PER1: variants seen among roughly 807,000 people sequenced by gnomAD.
PER1 encodes period circadian regulator 1.
A neutral mutation model predicts 125.9 loss-of-function variants in PER1; 87 were observed. That is an observed-to-expected ratio of 0.69 (90% CI 0.58 to 0.83). The LOEUF (loss-of-function observed/expected upper bound fraction) is 0.83, where lower values mean the gene tolerates loss of function less well. PER1 is among the 40% of genes least tolerant of loss of function. PER1 has a pLI of 0.00. For synonymous variants in PER1, 801 were observed against 714.7 expected (o/e 1.12, Z -1.93); for missense variants, 1,775 against 1,722.8 (o/e 1.03, Z -0.54).
Position 8,143,850 on chromosome 17 carries a change from T to C in PER1, c.2488A>G (p.Ser830Gly). Residue 830 changes from serine to glycine, a missense_variant, in exon 19 of 23, where the codon AGC becomes GGC. Coordinates refer to ENST00000317276, the MANE Select transcript of PER1 (RefSeq NM_002616.3). ...TTGGATCGGCAGTGGTGTCGGCGGC[T>C]TGGGGGTGCGGGGCCGTGGTGGCAG... The part of the protein sequence containing the change: ...RGCHHGPAPP[S>G]RRHHCRSKAK... 6.2e-7 allele frequency: 1 copy of C among 1,610,864 alleles called. No homozygotes were observed. Among genetic ancestry groups the C allele is most frequent in the Non-Finnish European group, 8.5e-7 (1 of 1,178,798 alleles).
intron 7 of PER1, 173 bp from the exon 8 acceptor site, chr17:8,148,959 C>T (rs1982639559): frequency 2.8e-6 from 2 of 720,968 alleles, no homozygotes; most frequent in Non-Finnish European, 4.5e-6. Flanking sequence ...GAGGCCAAGG[C>T]AGGCGGATCA....
rs780728434 is a variant in PER1, at chr17:8,148,728, C to T, written c.964G>A (p.Val322Met). The T allele has an allele frequency of 6.2e-7, 1 of 1,614,022 alleles. No homozygotes were observed. Among genetic ancestry groups the T allele is most frequent in the South Asian group, 1.1e-5 (1 of 91,072 alleles). The change falls in exon 8 of 23, where the codon GTG becomes ATG. Residue 322 changes from valine (V) to methionine (M), a missense_variant. Physicochemically the swap from Val to Met is conservative, Grantham distance 21 (BLOSUM62 1). Coordinates refer to ENST00000317276, the MANE Select transcript of PER1 (RefSeq NM_002616.3). ...RYQPFRLTPYVTKIRVSDGAP... is the reference protein window; with the variant it reads ...RYQPFRLTPYMTKIRVSDGAP... ...CCATCTGAGACCCGGATCTTGGTCACATACGGGGTTAGGCGGAATGGCTGG... is the reference window on the plus strand; with the variant it reads ...CCATCTGAGACCCGGATCTTGGTCATATACGGGGTTAGGCGGAATGGCTGG...
chr17:8,141,796 TTC>T lies in PER1; in HGVS notation c.3600+7_3600+8del, dbSNP rs1489455775. 6.8e-7 allele frequency: 1 copy of T among 1,476,732 alleles called. No homozygotes were observed. The highest frequency in any genetic ancestry group is 1.2e-5 in the South Asian group (1 of 84,070). 91.5% of individuals were successfully genotyped at this position (1,476,732 alleles called of 1,614,324 possible). ...ATTCTTTTTTCTCCCCGTCCCAGGC[TTC>T]TCTCACCATCACATCAAGAGCCCGA... On this transcript the variant is annotated splice_region_variant and intron_variant, in intron 22 of 22. Transcript: ENST00000317276.
intron 10 of PER1, 24 bp from the exon 11 acceptor site, chr17:8,147,851 G>A (rs1209608704): frequency 3.1e-6 from 5 of 1,612,912 alleles, no homozygotes; most frequent in Non-Finnish European, 4.2e-6. Flanking sequence ...GAAAGGAGGA[G>A]CGGTCAAAGG....
chr17:8,142,656 G>A lies in PER1; in HGVS notation c.3252C>T (p.Ser1084=). The A allele has an allele frequency of 6.2e-7, 1 of 1,613,890 alleles. No individual in the cohort carries two copies. The change falls in exon 20 of 23, where the codon AGC becomes AGT. Residue 1084 remains serine, a synonymous_variant. Coordinates refer to ENST00000317276, the MANE Select transcript of PER1 (RefSeq NM_002616.3). ...GSHEGGSTSA[S]ITRSSQSSHT... is the part of the protein sequence containing the mutation. ...TGGAGGCGGGGTACTCACGAGTGAT[G>A]CTGGCTGAGGTGCTGCCCCCTTCAT... is the stretch of plus-strand genomic sequence containing the variant.
At position 8,143,674 on chromosome 17, in the gene PER1, C is replaced by T. The variant is rs892663558; in HGVS notation, c.2664G>A (p.Val888=). 3 of 1,471,544 alleles carry T rather than the reference C, an allele frequency of 2.0e-6. No individual in the cohort carries two copies. The highest frequency in any genetic ancestry group is 2.9e-5 in the African/African-American group (2 of 69,022). The allele number at this position is 1,471,544 out of a possible 1,614,324, so 91.2% of individuals were successfully genotyped here. The change falls in exon 19 of 23, where the codon GTG becomes GTA. Residue 888 remains valine (V), a synonymous_variant. Coordinates refer to ENST00000317276, the MANE Select transcript of PER1 (RefSeq NM_002616.3). ...GCTGGGGGCCTCCTCGAGGAGAGAA[C>T]ACTGGGAGAGGGTAGGGCTGGACAA... ...PAVVQPYPLP[V]FSPRGGPQPL... is the part of the protein sequence containing the mutation.
At chr17:8,142,179 C>G in intron 21 of PER1, 90 bp downstream of exon 21, 6 of 1,171,336 alleles carry the variant, frequency 5.1e-6, no homozygotes, top group Non-Finnish European at 7.2e-6. Context: ...AACGTTTATC[C>G]TATCCAGGGC....
In PER1 at chr17:8,140,784, T is replaced by C; in HGVS notation, c.*284A>G. Reference sequence around the variant, plus strand: ...CTCAGCTGGAATATGGAGAGGCCACTTCAGCAGCTTGTCAGCAACTTTGTC... The same window carrying C: ...CTCAGCTGGAATATGGAGAGGCCACCTCAGCAGCTTGTCAGCAACTTTGTC... On this transcript the variant is annotated 3_prime_UTR_variant, in exon 23 of 23. Transcript: ENST00000317276. The C allele has an allele frequency of 2.4e-6, 1 of 409,970 alleles. No homozygotes were observed. The highest frequency in any genetic ancestry group is 4.5e-5 in the South Asian group (1 of 22,204). 25.4% of individuals were successfully genotyped at this position (409,970 alleles called of 1,614,324 possible).
Position 8,149,810 on chromosome 17 carries a change from G to A in PER1, c.596C>T (p.Thr199Ile). Residue 199 changes from threonine to isoleucine, a missense_variant, in exon 5 of 23, where the codon ACC becomes ATC. Coordinates refer to ENST00000317276, the MANE Select transcript of PER1 (RefSeq NM_002616.3). ...EGEPCSMDMS[T>I]YTLEELEHIT... The stretch of plus-strand genomic sequence containing the variant: ...GTGCTCCAGCTCCTCCAGGGTATAG[G>A]TGGACATGTCCATGGAGCAAGGCTC... 2 of 1,613,862 alleles carry A rather than the reference G, an allele frequency of 1.2e-6. No individual in the cohort carries two copies. The highest frequency in any genetic ancestry group is 1.7e-6 in the Non-Finnish European group (2 of 1,180,020).
rs909099769 is a variant in PER1 at position 8,140,818 on chromosome 17, G to T, written c.*250C>A. The T allele has an allele frequency of 2.1e-5, 10 of 470,070 alleles. No homozygotes were observed. The Admixed American group carries it at 3.3e-4, about 16-fold the overall frequency. The allele number at this position is 470,070 out of a possible 1,614,324, so 29.1% of individuals were successfully genotyped here. ...TTGTCAGCAACTTTGTCCAGGGGAG[G>T]GAAGGATTCCTCTCCAAAGGTGGGA... On this transcript the variant is annotated 3_prime_UTR_variant, in exon 23 of 23. Transcript: ENST00000317276.
In PER1 at chr17:8,141,017, TAGG is replaced by T. The variant is rs763719042; in HGVS notation, c.*48_*50del. On this transcript the variant is annotated 3_prime_UTR_variant, in exon 23 of 23. Transcript: ENST00000317276. The stretch of plus-strand genomic sequence containing the variant: ...CATCTGAGTTCTGAGAATTGGGACA[TAGG>T]AGAAGAAAGCCTCTCATGGACTCCT... The T allele has an allele frequency of 6.4e-6, 10 of 1,555,378 alleles. No individual in the cohort carries two copies. Among genetic ancestry groups the T allele is most frequent in the Non-Finnish European group, 7.9e-6 (9 of 1,145,338 alleles).
rs1403575085 is a variant in PER1 at position 8,150,619 on chromosome 17, G to A, written c.88C>T (p.Pro30Ser). 6.2e-7 allele frequency: 1 copy of A among 1,612,932 alleles called. No individual in the cohort carries two copies. Among genetic ancestry groups the A allele is most frequent in the Non-Finnish European group, 8.5e-7 (1 of 1,179,708 alleles). Reference sequence around the variant, plus strand: ...CCTGGGCAAGGCCGGTGCTGTGGGGGCCCAGGGGATGGGACGCCCCCAGGA... The same window carrying A: ...CCTGGGCAAGGCCGGTGCTGTGGGGACCCAGGGGATGGGACGCCCCCAGGA... The part of the protein sequence containing the change: ...FCPGGVPSPG[P>S]PQHRPCPGPS... The change falls in exon 2 of 23, where the codon CCC becomes TCC. Residue 30 changes from proline to serine, a missense_variant. Coordinates refer to ENST00000317276, the MANE Select transcript of PER1 (RefSeq NM_002616.3).
chr17:8,141,270 T>C lies in PER1; in HGVS notation c.3671A>G (p.Asp1224Gly). ...HPDDPLFSEL[D>G]GLGLEPMEEG... ...TTCCATGGGCTCCAGCCCCAGTCCA[T>C]CCAGCTCTGAGAAGAGTGGGTCATC... Residue 1224 changes from aspartate to glycine, a missense_variant, in exon 23 of 23, where the codon GAT (aspartate) becomes GGT (glycine). Asp to Gly is a moderately conservative substitution (Grantham distance 94). Transcript: ENST00000317276. The C allele has an allele frequency of 6.2e-7, 1 of 1,614,138 alleles. No individual in the cohort carries two copies. The highest frequency in any genetic ancestry group is 8.5e-7 in the Non-Finnish European group (1 of 1,180,032).
At chr17:8,151,965 A>G (rs1982885543) in intron 1 of PER1, among the ~76,000 whole-genome samples, 1 of 152,228 alleles carries the variant, frequency 6.6e-6, no homozygotes, top group African/African-American at 2.4e-5. Context: ...GCGCAGGGCC[A>G]GGGACTGGAG....
chr17:8,146,708 T>G lies in PER1; in HGVS notation c.1793A>C (p.Glu598Ala). ...GGCCTGGACGGGAGCAGAACCCGCC[T>G]CCAGCTCTGGGTCTGGGGATTGGCA... is the stretch of plus-strand genomic sequence containing the variant. ...LPCQSPDPEL[E>A]AGSAPVQAPL... Residue 598 changes from glutamate (E) to alanine (A), a missense_variant, in exon 15 of 23, where the codon GAG (glutamate) becomes GCG (alanine). Glu to Ala is a moderately radical substitution (Grantham distance 107, BLOSUM62 -1). Transcript: ENST00000317276. 1.2e-6 allele frequency: 2 copies of G among 1,613,838 alleles called. No homozygotes were observed. Among genetic ancestry groups the G allele is most frequent in the Non-Finnish European group, 1.7e-6 (2 of 1,179,970 alleles).
Position 8,150,950 on chromosome 17 carries a change from T to C in PER1, c.-139-105A>G, listed in dbSNP as rs914788221. The stretch of plus-strand genomic sequence containing the variant: ...CCCCCTGCCTGGCCTCCTGCAGGAC[T>C]GATGGGAGTGGAACCCAGGCCTGGG... On this transcript the variant is annotated intron_variant, in intron 1 of 22. Coordinates refer to ENST00000317276, the MANE Select transcript of PER1 (RefSeq NM_002616.3). 2.1e-5 allele frequency: 10 copies of C among 485,516 alleles called. No individual in the cohort carries two copies. In the South Asian group the frequency reaches 2.8e-4, roughly 13 times the overall value. 30.1% of individuals were successfully genotyped at this position (485,516 alleles called of 1,614,324 possible).
Position 8,150,032 on chromosome 17 carries a change from C to T in PER1, c.468G>A (p.Lys156=). The change falls in exon 4 of 23, where the codon AAG becomes AAA. Residue 156 remains lysine, a synonymous_variant. Transcript: ENST00000317276. ...KLRLPPERRG[K]GRSGTLATLQ... is the part of the protein sequence containing the mutation. ...GCGTGGCCAGGGTCCCAGAGCGGCC[C>T]TTGCCCCGGCGCTCTGGCGGCAGTC... 2 of 1,614,182 alleles carry T rather than the reference C, an allele frequency of 1.2e-6. No homozygotes were observed. The highest frequency in any genetic ancestry group is 1.7e-6 in the Non-Finnish European group (2 of 1,180,038).
rs967903710 is a variant in PER1, at chr17:8,147,437, T to C, written c.1497+33A>G. ...TTGACCCGGCTTCCCACACCTTTTC[T>C]CACCTCCCAGGCTCCCTCTCCGCTA... On this transcript the variant is annotated intron_variant, in intron 12 of 22. Transcript: ENST00000317276. The C allele has an allele frequency of 4.3e-6, 7 of 1,612,680 alleles. 1 individual carries two copies. The African/African-American group carries it at 9.4e-5, about 22-fold the overall frequency.
chr17:8,151,480 C>CT (rs1478476543), intron 1 of PER1, among the ~76,000 whole-genome samples: 2 of 152,110 alleles, frequency 1.3e-5, no homozygotes, highest in Admixed American at 1.3e-4. Flanking sequence ...TCCCCAGTCC[C>CT]AGGATGGCTC....
Sources: gnomAD v4.1 joint callset for allele counts (sites outside exome capture counted in the v4.1 genomes callset) on GRCh38, gnomAD v4.1.1 for gene constraint, MANE v1.5 for transcripts, NCBI Gene and HGNC (gene_info 2026-07-23, HGNC 2026-07-21) for gene names.